Variants in GPC6 observed in about 807,000 individuals in gnomAD.
The protein encoded by GPC6 is glypican 6, also known as glypican-6.
Under a neutral mutation model 55.2 loss-of-function variants are expected in GPC6, and 14 were observed. The ratio of observed to expected loss-of-function variants is 0.25; its 90% CI spans 0.17 to 0.40. The LOEUF (loss-of-function observed/expected upper bound fraction) is 0.40. Ranked by LOEUF, GPC6 falls within the 10% of genes least tolerant of loss-of-function variation. GPC6 has a pLI of 1.00. For synonymous variants in GPC6, 278 were observed against 259.6 expected (o/e 1.07, Z -0.68); for missense variants, 641 against 708.5 (o/e 0.90, Z 1.08).
At chr13:93,576,976 A>AT (rs1468828753) in intron 2 of GPC6, among the ~76,000 whole-genome samples, 23 of 152,082 alleles carry the variant, frequency 1.5e-4, no homozygotes, top group African/African-American at 5.3e-4. Flanking sequence ...TTTGAAATAC[A>AT]TTTTTTCACT....
intron 4 of GPC6, among the ~76,000 whole-genome samples, chr13:94,254,083 A>G (rs1891434846): frequency 6.6e-6 from 1 of 152,260 alleles, no homozygotes; most frequent in South Asian, 2.1e-4. Context: ...CAAAGAAATA[A>G]AGAACCTGGC....
rs77399274 is a variant in GPC6, at chr13:94,071,662, A to T, written c.877+43768A>T. On this transcript the variant is annotated intron_variant, in intron 4 of 8. Coordinates refer to ENST00000377047, the MANE Select transcript of GPC6 (RefSeq NM_005708.5). ...ACAGTAATGCCTTTCCTTAGTGTAA[A>T]ACTTCAGAGAAGACAAAATTTCTGA... Among the ~76,000 whole-genome samples the T allele has an allele frequency of 7.8e-3, 1,191 of 152,314 alleles. 16 individuals carry two copies. The highest frequency in any genetic ancestry group is 0.026 in the African/African-American group (1,100 of 41,580).
intron 1 of GPC6, among the ~76,000 whole-genome samples, chr13:93,441,885 G>A (rs531261615): frequency 1.3e-5 from 2 of 152,254 alleles, no homozygotes; most frequent in Admixed American, 6.5e-5. Context: ...AAGGAAACCA[G>A]TGAAGACAAG....
intron 1 of GPC6, among the ~76,000 whole-genome samples, chr13:93,536,031 G>T (rs1257918720): frequency 2.0e-5 from 3 of 152,064 alleles, no homozygotes; most frequent in East Asian, 3.9e-4. Flanking sequence ...CCAACATCGG[G>T]ATGCTTCAAA....
intron 4 of GPC6, among the ~76,000 whole-genome samples, chr13:94,148,977 T>C (rs544404248): frequency 6.6e-6 from 1 of 152,232 alleles, no homozygotes; most frequent in African/African-American, 2.4e-5. Flanking sequence ...CACACAAAAA[T>C]TGAGTAAACA....
At chr13:93,588,461 T>G (rs563974354) in intron 2 of GPC6, among the ~76,000 whole-genome samples, 1 of 152,268 alleles carries the variant, frequency 6.6e-6, no homozygotes, top group Admixed American at 6.5e-5. Flanking sequence ...AATTTTGCCC[T>G]AATTCATAGA....
chr13:93,586,321 A>G (rs753057991), intron 2 of GPC6, among the ~76,000 whole-genome samples: 4 of 152,170 alleles, frequency 2.6e-5, no homozygotes, highest in Admixed American at 2.0e-4. Flanking sequence ...ATAGTATTCC[A>G]TGGTGTATAT....
chr13:93,248,610 T>G (rs1014187512), intron 1 of GPC6, among the ~76,000 whole-genome samples: 1 of 152,126 alleles, frequency 6.6e-6, no homozygotes, highest in East Asian at 1.9e-4. Context: ...AGAGGACCAG[T>G]GTCCTAAGCC....
At chr13:93,313,594 G>A (rs567902741) in intron 1 of GPC6, among the ~76,000 whole-genome samples, 200 of 152,132 alleles carry the variant, frequency 1.3e-3, no homozygotes, top group Non-Finnish European at 1.9e-3. Flanking sequence ...GGTGTAACCC[G>A]TGTAAATAGT....
rs560375729 is a variant in GPC6 at position 93,679,372 on chromosome 13, G to A, written c.319+133951G>A. ...TAACCACTCTAAAGCTGATTTATAC[G>A]CACCTGAATGTAACTAAGTAGATAT... On this transcript the variant is annotated intron_variant, in intron 2 of 8. Transcript: ENST00000377047. Among the ~76,000 whole-genome samples the A allele has an allele frequency of 2.6e-5, 4 of 152,206 alleles. No individual in the cohort carries two copies. The South Asian group carries it at 6.2e-4, about 24-fold the overall frequency.
At chr13:93,920,361 C>T (rs1284222272) in intron 3 of GPC6, among the ~76,000 whole-genome samples, 1 of 152,070 alleles carries the variant, frequency 6.6e-6, no homozygotes, top group Non-Finnish European at 1.5e-5. Flanking sequence ...CTTTAACTAT[C>T]ATCACCATAT....
At chr13:94,075,800 T>A (rs974657338) in intron 4 of GPC6, among the ~76,000 whole-genome samples, 11 of 152,180 alleles carry the variant, frequency 7.2e-5, no homozygotes, top group Non-Finnish European at 7.4e-5. Context: ...CAGGATTTCC[T>A]ACTTTCTAAT....
intron 3 of GPC6, among the ~76,000 whole-genome samples, chr13:93,900,425 T>C (rs1284620795): frequency 6.6e-6 from 1 of 152,166 alleles, no homozygotes; most frequent in African/African-American, 2.4e-5. Flanking sequence ...TCTGTAGCCA[T>C]AGAACAAAAA....
intron 6 of GPC6, among the ~76,000 whole-genome samples, chr13:94,350,804 G>A (rs543317291): frequency 6.6e-6 from 1 of 152,144 alleles, no homozygotes; most frequent in Non-Finnish European, 1.5e-5. Context: ...GATGGCATTA[G>A]GGCATCCTCC....
intron 1 of GPC6, among the ~76,000 whole-genome samples, chr13:93,457,715 C>G (rs2813627): frequency 0.19 from 27,971 of 146,716 alleles, 3,114 homozygotes; most frequent in East Asian, 0.48. Context: ...TATCACATTC[C>G]TCACTTAAAT....
intron 3 of GPC6, among the ~76,000 whole-genome samples, chr13:93,976,051 A>C (rs1880501175): frequency 6.6e-6 from 1 of 152,120 alleles, no homozygotes; most frequent in South Asian, 2.1e-4. Flanking sequence ...TAGCATATTA[A>C]ATGTAATTTT....
intron 6 of GPC6, among the ~76,000 whole-genome samples, chr13:94,338,503 CCAT>C (rs1438627553): frequency 1.2e-4 from 19 of 152,286 alleles, no homozygotes; most frequent in African/African-American, 3.9e-4. Flanking sequence ...AATAATTACA[CCAT>C]ATTTGGTCCT....
rs1226256928 is a variant in GPC6 at position 94,083,481 on chromosome 13, TTC to T, written c.877+55591_877+55592del. Among the ~76,000 whole-genome samples, 20 of 152,332 alleles carry T rather than the reference TTC, an allele frequency of 1.3e-4. No homozygotes were observed. In the East Asian group the frequency reaches 3.9e-3, roughly 29 times the overall value. The stretch of plus-strand genomic sequence containing the variant: ...TATATGTTAATTTGTTTATTTTTTA[TTC>T]TCTGTCCCATTCCCATAAAAATGCA... On this transcript the variant is annotated intron_variant, in intron 4 of 8. Transcript: ENST00000377047.
intron 1 of GPC6, among the ~76,000 whole-genome samples, chr13:93,507,807 G>C (rs1487527492): frequency 1.3e-5 from 2 of 151,894 alleles, no homozygotes; most frequent in Non-Finnish European, 2.9e-5. Flanking sequence ...AGCAAGATAT[G>C]AATGTTTTTC....
Sources: allele counts gnomAD v4.1 joint callset (sites outside exome capture counted in the v4.1 genomes callset), GRCh38; gene constraint gnomAD v4.1.1; transcripts MANE v1.5; gene names NCBI Gene and HGNC (gene_info 2026-07-23, HGNC 2026-07-21).